Variants in CCDC102B observed in about 807,000 individuals in gnomAD.
CCDC102B encodes coiled-coil domain containing 102B, also known as coiled-coil domain-containing protein 102B.
A neutral mutation model predicts 57.4 loss-of-function variants in CCDC102B; 75 were observed. That is an observed-to-expected ratio of 1.31 (90% confidence interval 1.08 to 1.58). The LOEUF is 1.58. Ranked by LOEUF, CCDC102B falls within the 40% of genes most tolerant of loss-of-function variation. CCDC102B has a pLI of 0.00. For missense variants in CCDC102B, 636 were observed against 582.6 expected, an observed-to-expected ratio of 1.09 and a Z score of -0.94; for synonymous variants, 206 against 201.9, an observed-to-expected ratio of 1.02 and a Z score of -0.17.
intron 7 of CCDC102B, among the ~76,000 whole-genome samples, chr18:69,012,950 A>T (rs998567386): frequency 2.6e-5 from 4 of 152,208 alleles, no homozygotes; most frequent in African/African-American, 4.8e-5. Flanking sequence ...CTCTAATGAA[A>T]ACAATATGCA....
intron 2 of CCDC102B, among the ~76,000 whole-genome samples, chr18:68,791,529 GT>G (rs11340167): frequency 0.97 from 147,237 of 151,836 alleles, 71,536 homozygotes; most frequent in Non-Finnish European, 1. Context: ...TTGTAACAAT[GT>G]TTTTTTTTGT....
intron 7 of CCDC102B, among the ~76,000 whole-genome samples, chr18:69,033,816 A>G (rs1272124197): frequency 6.6e-6 from 1 of 152,020 alleles, no homozygotes; most frequent in Admixed American, 6.6e-5. Context: ...TTCACATGCA[A>G]TGTTAGAGGA....
intron 1 of CCDC102B, among the ~76,000 whole-genome samples, chr18:68,828,139 G>A (rs2036981448): frequency 6.6e-6 from 1 of 151,616 alleles, no homozygotes; most frequent in African/African-American, 2.4e-5. Flanking sequence ...GAGGATTTCA[G>A]AAATCTCTCT....
chr18:68,770,854 T>A (rs2034617386), intron 2 of CCDC102B, among the ~76,000 whole-genome samples: 1 of 152,266 alleles, frequency 6.6e-6, no homozygotes, highest in African/African-American at 2.4e-5. Context: ...TCTGTGAATT[T>A]AACAAGCTGA....
intron 2 of CCDC102B, among the ~76,000 whole-genome samples, chr18:68,743,180 A>G (rs1433796084): frequency 1.3e-5 from 2 of 151,656 alleles, no homozygotes; most frequent in African/African-American, 4.9e-5. Flanking sequence ...AGCCTGGCCA[A>G]CGTGGTGAAA....
chr18:68,974,669 T>G (rs866564465), intron 6 of CCDC102B, among the ~76,000 whole-genome samples: 1 of 151,940 alleles, frequency 6.6e-6, no homozygotes, highest in African/African-American at 2.4e-5. Context: ...ATATAAATAC[T>G]AAAAGCATTA....
At chr18:68,762,036 C>T (rs1368270320) in intron 2 of CCDC102B, among the ~76,000 whole-genome samples, 2 of 152,110 alleles carry the variant, frequency 1.3e-5, no homozygotes, top group African/African-American at 4.8e-5. Context: ...TACGTGTTTA[C>T]GTAAACGATG....
At chr18:68,879,038 C>G (rs951422785) in intron 5 of CCDC102B, among the ~76,000 whole-genome samples, 2 of 151,912 alleles carry the variant, frequency 1.3e-5, no homozygotes, top group Non-Finnish European at 2.9e-5. Flanking sequence ...CTCGCTGGCT[C>G]AGGAGTGAAG....
intron 6 of CCDC102B, among the ~76,000 whole-genome samples, chr18:68,907,758 C>G (rs1328607910): frequency 6.6e-6 from 1 of 152,104 alleles, no homozygotes; most frequent in African/African-American, 2.4e-5. Flanking sequence ...TTATGCTTTG[C>G]AATTTGCATG....
At chr18:68,984,110 T>A (rs1429045324) in intron 6 of CCDC102B, among the ~76,000 whole-genome samples, 3 of 152,020 alleles carry the variant, frequency 2.0e-5, no homozygotes, top group African/African-American at 7.2e-5. Flanking sequence ...CATTTATTTA[T>A]TCTAGTAGAA....
At chr18:68,903,577 A>C (rs2040525034) in intron 6 of CCDC102B, among the ~76,000 whole-genome samples, 1 of 152,222 alleles carries the variant, frequency 6.6e-6, no homozygotes, top group Non-Finnish European at 1.5e-5. Context: ...TTTGTCCAAC[A>C]TATGACACAA....
intron 7 of CCDC102B, among the ~76,000 whole-genome samples, chr18:69,047,768 G>A (rs916605837): frequency 3.9e-5 from 6 of 152,002 alleles, no homozygotes; most frequent in Admixed American, 3.9e-4. Flanking sequence ...GTCATATAAG[G>A]AATGTAGTCC....
intron 6 of CCDC102B, among the ~76,000 whole-genome samples, chr18:68,927,432 G>A (rs1169564872): frequency 6.6e-6 from 1 of 151,914 alleles, no homozygotes; most frequent in African/African-American, 2.4e-5. Flanking sequence ...CTGTCCCGTA[G>A]AGTGTAGACC....
intron 7 of CCDC102B, among the ~76,000 whole-genome samples, chr18:69,045,116 A>T (rs2052527477): frequency 6.6e-6 from 1 of 151,692 alleles, no homozygotes; most frequent in Non-Finnish European, 1.5e-5. Context: ...TTACCTTCTT[A>T]CTCTACTTCC....
chr18:68,789,243 C>G (rs1420361402), intron 2 of CCDC102B, among the ~76,000 whole-genome samples: 1 of 152,138 alleles, frequency 6.6e-6, no homozygotes, highest in Non-Finnish European at 1.5e-5. Flanking sequence ...CCCGACCTTT[C>G]TCTCTGGCTG....
At chr18:68,871,546 T>G (rs1182578533) in intron 4 of CCDC102B, among the ~76,000 whole-genome samples, 2 of 152,162 alleles carry the variant, frequency 1.3e-5, no homozygotes, top group African/African-American at 4.8e-5. Flanking sequence ...GGAGAAAGTA[T>G]AGTTGTTTAA....
At chr18:69,008,372 A>C (rs1044807714) in intron 6 of CCDC102B, among the ~76,000 whole-genome samples, 1 of 152,212 alleles carries the variant, frequency 6.6e-6, no homozygotes, top group Admixed American at 6.5e-5. Context: ...TTGAAGTGAC[A>C]GGGCAAGCTC....
chr18:68,846,532 A>AAAC, intron 4 of CCDC102B, 111 bp downstream of exon 4: 1 of 594,282 alleles, frequency 1.7e-6, no homozygotes, highest in South Asian at 3.1e-5. Flanking sequence ...GGAGGTTAAA[A>AAAC]ATTGGAATTT....
intron 6 of CCDC102B, among the ~76,000 whole-genome samples, chr18:68,900,504 C>T (rs1360291084): frequency 2.6e-5 from 4 of 151,916 alleles, no homozygotes; most frequent in African/African-American, 4.8e-5. Context: ...AATGTGAATT[C>T]GATAATTTGA....
Sources: allele counts gnomAD v4.1 joint callset (sites outside exome capture counted in the v4.1 genomes callset), GRCh38; gene constraint gnomAD v4.1.1; transcripts MANE v1.5; gene names NCBI Gene and HGNC (gene_info 2026-07-23, HGNC 2026-07-21).